Variants in NELL1 observed in about 807,000 individuals in gnomAD.
NELL1 encodes the protein neural EGFL like 1.
NELL1 carries 76 observed loss-of-function variants against 107.4 expected under a neutral mutation model. That is an observed-to-expected ratio of 0.71 (90% CI 0.59 to 0.86). The LOEUF (loss-of-function observed/expected upper bound fraction) is 0.86, where lower values mean the gene tolerates loss of function less well. Ranked by LOEUF, NELL1 falls within the 40% of genes least tolerant of loss-of-function variation. The pLI is 0.00. For missense variants in NELL1, 1,024 were observed against 1,005.5 expected, an observed-to-expected ratio of 1.02 and a Z score of -0.25; for synonymous variants, 353 against 341.2, an observed-to-expected ratio of 1.03 and a Z score of -0.38.
rs896304837 is a variant in NELL1 at position 21,165,608 on chromosome 11, C to T, written c.1426+51894C>T. On this transcript the variant is annotated intron_variant, in intron 13 of 19. Coordinates refer to ENST00000357134, the MANE Select transcript of NELL1 (RefSeq NM_006157.5). ...AAGAAAGGAAGTCGCTGTATTGAAG[C>T]GATATCTTCACTCTCATGTTTATTG... Among the ~76,000 whole-genome samples the T allele has an allele frequency of 2.0e-5, 3 of 149,224 alleles. 1 individual carries two copies. The highest frequency in any genetic ancestry group is 1.3e-4 in the Admixed American group (2 of 15,134).
At chr11:21,244,538 T>C (rs1255296082) in intron 14 of NELL1, among the ~76,000 whole-genome samples, 2 of 152,200 alleles carry the variant, frequency 1.3e-5, no homozygotes, top group Non-Finnish European at 2.9e-5. Context: ...AGAAATTGAA[T>C]TAGCAGTACA....
intron 12 of NELL1, among the ~76,000 whole-genome samples, chr11:21,063,909 C>T (rs1399024369): frequency 6.6e-6 from 1 of 152,154 alleles, no homozygotes; most frequent in East Asian, 1.9e-4. Flanking sequence ...AACAGATTGT[C>T]AGTGTTGGTG....
At position 20,763,157 on chromosome 11, in the gene NELL1, C is replaced by T. The variant is rs571832665; in HGVS notation, c.185-20523C>T. Among the ~76,000 whole-genome samples the T allele has an allele frequency of 1.7e-4, 26 of 152,174 alleles. No homozygotes were observed. In the East Asian group the frequency reaches 3.5e-3, roughly 20 times the overall value. On this transcript the variant is annotated intron_variant, in intron 2 of 19. Coordinates refer to ENST00000357134, the MANE Select transcript of NELL1 (RefSeq NM_006157.5). Reference sequence around the variant, plus strand: ...ATGGCCTCTCTCCTCCCTGGGGATTCGGCGTGAGGTATTTATTTACTCAGG... The same window carrying T: ...ATGGCCTCTCTCCTCCCTGGGGATTTGGCGTGAGGTATTTATTTACTCAGG...
At chr11:21,330,912 T>C (rs1352661800) in intron 14 of NELL1, among the ~76,000 whole-genome samples, 1 of 152,132 alleles carries the variant, frequency 6.6e-6, no homozygotes, top group Admixed American at 6.6e-5. Flanking sequence ...TTTTCTTCAT[T>C]GCTTTTCTGT....
At chr11:21,502,067 G>T (rs1409123708) in intron 15 of NELL1, among the ~76,000 whole-genome samples, 2 of 152,136 alleles carry the variant, frequency 1.3e-5, no homozygotes, top group African/African-American at 4.8e-5. Flanking sequence ...GCAAATCCTA[G>T]TGACCTCTGA....
chr11:20,999,632 C>A (rs889893212), intron 12 of NELL1, among the ~76,000 whole-genome samples: 8 of 151,906 alleles, frequency 5.3e-5, no homozygotes, highest in African/African-American at 1.2e-4. Context: ...ATTGAATTCA[C>A]CCTCAAAATT....
intron 5 of NELL1, among the ~76,000 whole-genome samples, chr11:20,892,983 T>G (rs1849649560): frequency 6.6e-6 from 1 of 150,774 alleles, no homozygotes; most frequent in Non-Finnish European, 1.5e-5. Context: ...TGCAGCACTA[T>G]TCACAATAGC....
At position 21,446,640 on chromosome 11, in the gene NELL1, C is replaced by G. The variant is rs75840872; in HGVS notation, c.1645+75692C>G. On this transcript the variant is annotated intron_variant, in intron 15 of 19. Transcript: ENST00000357134. The stretch of plus-strand genomic sequence containing the variant: ...ACTTAGTTCTCTTCCCTTACTTTCT[C>G]CCCACAAAACAGGGTCTGCTGAGCT... Among the ~76,000 whole-genome samples the G allele has an allele frequency of 8.5e-3, 1,299 of 152,308 alleles. 19 individuals are homozygous for G. Among genetic ancestry groups the G allele is most frequent in the African/African-American group, 0.028 (1,173 of 41,558 alleles).
intron 15 of NELL1, among the ~76,000 whole-genome samples, chr11:21,477,498 C>T (rs1279388344): frequency 1.3e-5 from 2 of 152,100 alleles, no homozygotes; most frequent in African/African-American, 4.8e-5. Context: ...GAGTGCCTAC[C>T]ATTGCAAATA....
chr11:21,017,195 A>G (rs1011666455), intron 12 of NELL1, among the ~76,000 whole-genome samples: 1 of 152,226 alleles, frequency 6.6e-6, no homozygotes, highest in African/African-American at 2.4e-5. Flanking sequence ...GGAGGCAGGA[A>G]AGGAGGAGCC....
chr11:20,740,614 C>G (rs1409384612), intron 2 of NELL1, among the ~76,000 whole-genome samples: 1 of 152,126 alleles, frequency 6.6e-6, no homozygotes, highest in Non-Finnish European at 1.5e-5. Context: ...TGCTGGTGTC[C>G]CAAGTTGCAG....
At chr11:21,228,388 C>T (rs1412837126) in intron 13 of NELL1, among the ~76,000 whole-genome samples, 1 of 152,104 alleles carries the variant, frequency 6.6e-6, no homozygotes, top group African/African-American at 2.4e-5. Context: ...CATATCACTA[C>T]ATGGCAGGCA....
intron 14 of NELL1, among the ~76,000 whole-genome samples, chr11:21,280,637 A>C (rs1848971203): frequency 6.6e-6 from 1 of 152,110 alleles, no homozygotes; most frequent in African/African-American, 2.4e-5. Flanking sequence ...CGGAGGGAGT[A>C]TTTAAACCAG....
At chr11:20,689,892 A>G (rs1854414865) in intron 2 of NELL1, among the ~76,000 whole-genome samples, 2 of 151,406 alleles carry the variant, frequency 1.3e-5, no homozygotes, top group African/African-American at 4.9e-5. Flanking sequence ...ACTAGTTTAC[A>G]GTCCCACCAA....
At chr11:20,914,819 A>C (rs552737250) in intron 5 of NELL1, among the ~76,000 whole-genome samples, 9 of 152,154 alleles carry the variant, frequency 5.9e-5, no homozygotes, top group Non-Finnish European at 1.0e-4. Context: ...TCATATGACC[A>C]GGTAATCTGG....
chr11:21,557,737 C>A (rs76221049), intron 16 of NELL1, among the ~76,000 whole-genome samples: 2,642 of 152,054 alleles, frequency 0.017, 45 homozygotes, highest in East Asian at 0.077. Flanking sequence ...AAATGTGTTC[C>A]CTGAAGGGCA....
At chr11:21,328,422 T>C (rs1850194799) in intron 14 of NELL1, among the ~76,000 whole-genome samples, 1 of 152,146 alleles carries the variant, frequency 6.6e-6, no homozygotes, top group Non-Finnish European at 1.5e-5. Flanking sequence ...AGAGGATGTA[T>C]GGAAACACCT....
intron 15 of NELL1, among the ~76,000 whole-genome samples, chr11:21,515,190 T>C (rs1855526789): frequency 6.6e-6 from 1 of 152,216 alleles, no homozygotes; most frequent in Non-Finnish European, 1.5e-5. Context: ...TGGTCCTCAA[T>C]AGAAACAATC....
chr11:20,778,138 T>C (rs1856783940), intron 2 of NELL1, among the ~76,000 whole-genome samples: 1 of 152,236 alleles, frequency 6.6e-6, no homozygotes, highest in African/African-American at 2.4e-5. Flanking sequence ...TGCTTATTCA[T>C]GTTTTTAGAG....
Sources: allele counts gnomAD v4.1 joint callset (sites outside exome capture counted in the v4.1 genomes callset), GRCh38; gene constraint gnomAD v4.1.1; transcripts MANE v1.5; gene names NCBI Gene and HGNC (gene_info 2026-07-23, HGNC 2026-07-21).